The following GALNT13 variants were observed in gnomAD, a reference collection of about 807,000 sequenced individuals.
GALNT13 encodes UDP-GalNAc:polypeptide N-acetylgalactosaminyltransferase 13.
Under a neutral mutation model 64.2 loss-of-function variants are expected in GALNT13, and 28 were observed. The ratio of observed to expected loss-of-function variants is 0.44; its 90% CI spans 0.32 to 0.60. The LOEUF (loss-of-function observed/expected upper bound fraction) is 0.60. GALNT13 is among the 20% of genes least tolerant of loss of function. The probability of loss-of-function intolerance (pLI) is 0.05; values close to 1 mark genes in which losing one functional copy is unlikely to be tolerated. For synonymous variants in GALNT13, 214 were observed against 224.6 expected (o/e 0.95, Z 0.42); for missense variants, 577 against 669.8 (o/e 0.86, Z 1.53).
At chr2:153,838,145 T>A in the GALNT13 span, among the ~76,000 whole-genome samples, 1 of 151,988 alleles carries the variant, frequency 6.6e-6, no homozygotes, top group Non-Finnish European at 1.5e-5. Flanking sequence ...ATATTTCGAA[T>A]GTTAAACACT....
At chr2:154,344,131 A>G (rs1253033242) in intron 9 of GALNT13, among the ~76,000 whole-genome samples, 7 of 152,042 alleles carry the variant, frequency 4.6e-5, no homozygotes, top group African/African-American at 1.7e-4. Context: ...TCCTTAGTAG[A>G]TAGTGTCATT....
chr2:153,902,365 T>A (rs538144955), intron 2 of GALNT13, among the ~76,000 whole-genome samples: 3 of 152,242 alleles, frequency 2.0e-5, no homozygotes, highest in East Asian at 3.9e-4. Context: ...TTATTTCCTT[T>A]GGTTCAATTA....
At chr2:154,191,242 C>T (rs1686559425) in intron 4 of GALNT13, among the ~76,000 whole-genome samples, 1 of 152,190 alleles carries the variant, frequency 6.6e-6, no homozygotes, top group Non-Finnish European at 1.5e-5. Context: ...TATTCTCTCA[C>T]ACACACATTT....
the GALNT13 span, among the ~76,000 whole-genome samples, chr2:153,261,773 A>G: frequency 1.3e-5 from 2 of 151,988 alleles, no homozygotes; most frequent in Non-Finnish European, 2.9e-5. Context: ...CCAAGCCATG[A>G]GACAAAGTCC....
At chr2:153,739,880 T>A in the GALNT13 span, among the ~76,000 whole-genome samples, 1 of 151,700 alleles carries the variant, frequency 6.6e-6, no homozygotes, top group Admixed American at 6.6e-5. Flanking sequence ...AGATTCTATC[T>A]TCTAATGCAG....
At chr2:153,455,966 A>T in the GALNT13 span, among the ~76,000 whole-genome samples, 3 of 152,240 alleles carry the variant, frequency 2.0e-5, no homozygotes, top group African/African-American at 7.2e-5. Context: ...TCAGAAAGGT[A>T]CTAGCCCCCT....
chr2:153,262,584 A>G, the GALNT13 span, among the ~76,000 whole-genome samples: 2 of 152,222 alleles, frequency 1.3e-5, no homozygotes, highest in East Asian at 1.9e-4. Flanking sequence ...GCAGTACATC[A>G]AAAAGCTTAT....
the GALNT13 span, among the ~76,000 whole-genome samples, chr2:153,321,972 T>TTGTGTGTG: frequency 0.011 from 1,625 of 149,246 alleles, 19 homozygotes; most frequent in African/African-American, 0.023. Flanking sequence ...GTGTGTAAAG[T>TTGTGTGTG]TGTGTGTGTG....
intron 4 of GALNT13, among the ~76,000 whole-genome samples, chr2:154,157,513 A>G (rs549023582): frequency 1.8e-4 from 28 of 152,248 alleles, no homozygotes; most frequent in Middle Eastern, 3.4e-3. Flanking sequence ...TTCTTTAATC[A>G]GTTTTCTCTC....
rs1429511931 is a variant in GALNT13, at chr2:154,298,725, T to TAC, written c.976-2684_976-2683insAC. ...ATATACAATTTATATATAAATTATA[T>TAC]TATTTATATATAGTATATATAAATA... On this transcript the variant is annotated intron_variant, in intron 8 of 12. Transcript: ENST00000392825. 1.5e-4 allele frequency among the ~76,000 whole-genome samples: 15 copies of TAC among 97,892 alleles called. 1 individual carries two copies. The highest frequency in any genetic ancestry group is 3.7e-4 in the African/African-American group (10 of 26,900). 64.2% of individuals were successfully genotyped at this position (97,892 alleles called of 152,430 possible).
chr2:153,330,896 T>C, the GALNT13 span, among the ~76,000 whole-genome samples: 1 of 152,206 alleles, frequency 6.6e-6, no homozygotes, highest in Admixed American at 6.5e-5. Flanking sequence ...CTATTAAGTA[T>C]GATGTTGGCT....
chr2:153,394,955 G>A, the GALNT13 span, among the ~76,000 whole-genome samples: 5 of 152,112 alleles, frequency 3.3e-5, no homozygotes, highest in Admixed American at 2.6e-4. Context: ...GGAAAGATCC[G>A]ATCCCAAGCT....
At chr2:153,590,626 C>T in the GALNT13 span, among the ~76,000 whole-genome samples, 5 of 151,864 alleles carry the variant, frequency 3.3e-5, no homozygotes, top group Non-Finnish European at 7.4e-5. Flanking sequence ...TTAAAAAACA[C>T]AATAAAGTAA....
chr2:153,364,220 G>A, the GALNT13 span, among the ~76,000 whole-genome samples: 1 of 151,930 alleles, frequency 6.6e-6, no homozygotes, highest in Non-Finnish European at 1.5e-5. Context: ...AATAAACTAG[G>A]TTTGATGGAA....
At chr2:153,677,762 A>G in the GALNT13 span, among the ~76,000 whole-genome samples, 1 of 152,108 alleles carries the variant, frequency 6.6e-6, no homozygotes, top group Admixed American at 6.6e-5. Context: ...AACAGAATCA[A>G]CAAAAACAAA....
chr2:153,526,238 G>A, the GALNT13 span, among the ~76,000 whole-genome samples: 1 of 152,262 alleles, frequency 6.6e-6, no homozygotes, highest in South Asian at 2.1e-4. Flanking sequence ...GTTATTGCAT[G>A]CCTTGGGCAA....
At chr2:154,019,545 G>C (rs962837910) in intron 3 of GALNT13, among the ~76,000 whole-genome samples, 2 of 151,228 alleles carry the variant, frequency 1.3e-5, no homozygotes, top group Non-Finnish European at 1.5e-5. Flanking sequence ...GGGAGGCAGA[G>C]GTTGCAATGA....
the GALNT13 span, among the ~76,000 whole-genome samples, chr2:153,080,976 C>A: frequency 6.6e-6 from 1 of 151,760 alleles, no homozygotes; most frequent in South Asian, 2.1e-4. Flanking sequence ...ATTCACTGCC[C>A]ACCCTTAAAT....
chr2:154,042,722 A>ATATT (rs1274957682), intron 3 of GALNT13, among the ~76,000 whole-genome samples: 35 of 138,180 alleles, frequency 2.5e-4, no homozygotes, highest in African/African-American at 8.3e-4. Flanking sequence ...ATATATATAT[A>ATATT]TTAGGTTTTC....
Sources: gnomAD v4.1 joint callset for allele counts (sites outside exome capture counted in the v4.1 genomes callset) on GRCh38, gnomAD v4.1.1 for gene constraint, MANE v1.5 for transcripts, NCBI Gene and HGNC (gene_info 2026-07-23, HGNC 2026-07-21) for gene names.